Variants in OSGEPL1 observed in about 807,000 individuals in gnomAD.
OSGEPL1 encodes O-sialoglycoprotein endopeptidase like 1.
A neutral mutation model predicts 37.2 loss-of-function variants in OSGEPL1; 26 were observed. The observed-to-expected ratio is 0.70, with a 90% CI of 0.51 to 0.97. The LOEUF is 0.97. OSGEPL1 is among the 50% of genes least tolerant of loss of function. The pLI, the probability that OSGEPL1 is intolerant of heterozygous loss-of-function variation, is 0.00. For synonymous variants in OSGEPL1, 140 were observed against 159.9 expected (o/e 0.88, Z 0.94); for missense variants, 404 against 487.0 (o/e 0.83, Z 1.60).
rs1316320466 is a variant in OSGEPL1, at chr2:189,755,280, G to C, written c.502C>G (p.Leu168Val). ...AGACAGTGACCTCCAGAAATCAAAA[G>C]AACTAAAAAAGGAAATTCTACTTTA... is the stretch of plus-strand genomic sequence containing the variant. ...TNKVEFPFLV[L>V]LISGGHCLLA... The change falls in exon 3 of 9, where the codon CTT (leucine) becomes GTT (valine). Residue 168 changes from leucine to valine, a missense_variant. Coordinates refer to ENST00000264151, the MANE Select transcript of OSGEPL1 (RefSeq NM_022353.3). The C allele has an allele frequency of 9.3e-6, 15 of 1,613,026 alleles. No homozygotes were observed. The South Asian group carries it at 1.6e-4, about 18-fold the overall frequency.
chr2:189,763,136 C>T, upstream of OSGEPL1: 1 of 984,798 alleles, frequency 1.0e-6, no homozygotes, highest in African/African-American at 1.7e-5. Flanking sequence ...AGGGAACTAT[C>T]ATCAAATCTA....
intron 3 of OSGEPL1, 62 bp from the exon 4 acceptor site, chr2:189,754,407 A>G: frequency 1.4e-6 from 2 of 1,424,268 alleles, no homozygotes; most frequent in South Asian, 2.7e-5. Context: ...AAAAGATGCA[A>G]AGGAAATAAA....
At chr2:189,752,260 A>C (rs919705737) in intron 7 of OSGEPL1, among the ~76,000 whole-genome samples, 2 of 152,202 alleles carry the variant, frequency 1.3e-5, no homozygotes, top group East Asian at 1.9e-4. Flanking sequence ...CCTGTGTAAG[A>C]GCATAATCAC....
intron 2 of OSGEPL1, among the ~76,000 whole-genome samples, chr2:189,760,064 C>G (rs151052089): frequency 1.3e-5 from 2 of 152,004 alleles, no homozygotes; most frequent in African/African-American, 4.8e-5. Context: ...TCAGAGAGCA[C>G]GGGGTTGGGG....
rs5837164 is a variant in OSGEPL1, at chr2:189,747,338, CAAAAAAAA to C, written c.*29-178_*29-171del. The C allele has an allele frequency of 4.0e-5, 3 of 75,744 alleles. 1 individual carries two copies. The highest frequency in any genetic ancestry group is 1.6e-4 in the African/African-American group (3 of 18,490). 4.7% of individuals were successfully genotyped at this position (75,744 alleles called of 1,614,324 possible). ...GAGGTCAGAGAGTGAGACCCTGTCT[CAAAAAAAA>C]AAAAAAAAAAAAAGTCTGAGAGTCA... On this transcript the variant is annotated intron_variant, in intron 8 of 8. Transcript: ENST00000264151.
intron 2 of OSGEPL1, among the ~76,000 whole-genome samples, chr2:189,759,355 TCTC>T (rs1265004564): frequency 6.6e-6 from 1 of 152,060 alleles, no homozygotes; most frequent in African/African-American, 2.4e-5. Flanking sequence ...TTCACGCCAT[TCTC>T]CTGCCTCAGC....
At chr2:189,762,570 A>G (rs1004555617) in intron 1 of OSGEPL1, 115 bp downstream of exon 1, 2 of 984,430 alleles carry the variant, frequency 2.0e-6, no homozygotes, top group Non-Finnish European at 2.4e-6. Context: ...AACCCACGTG[A>G]CTTGGGTAGC....
chr2:189,752,888 G>A lies in OSGEPL1; in HGVS notation c.1055C>T (p.Pro352Leu). The change falls in exon 6 of 9, where the codon CCT becomes CTT. Residue 352 changes from proline to leucine, a missense_variant. Coordinates refer to ENST00000264151, the MANE Select transcript of OSGEPL1 (RefSeq NM_022353.3). ...NATQCTLLCP[P>L]PRLCTDNGIM... ...GCCATTATCAGTGCATAGTCTGGGA[G>A]GAGGACACAACAAAGTGCACTGTGT... The A allele has an allele frequency of 6.2e-7, 1 of 1,613,916 alleles. No homozygotes were observed. Among genetic ancestry groups the A allele is most frequent in the Non-Finnish European group, 8.5e-7 (1 of 1,179,850 alleles).
intron 2 of OSGEPL1, among the ~76,000 whole-genome samples, chr2:189,760,587 T>C (rs1431688570): frequency 6.6e-6 from 1 of 152,152 alleles, no homozygotes; most frequent in East Asian, 1.9e-4. Flanking sequence ...GGTCAGGAGA[T>C]TGAGACCATC....
In OSGEPL1 at chr2:189,753,993, G is replaced by C. The variant is rs1280068421; in HGVS notation, c.886C>G (p.His296Asp). The C allele has an allele frequency of 1.2e-5, 20 of 1,613,630 alleles. No individual in the cohort carries two copies. In the East Asian group the frequency reaches 4.5e-4, roughly 36 times the overall value. The change falls in exon 5 of 9, where the codon CAT becomes GAT. Residue 296 changes from histidine to aspartate, a missense_variant. By Grantham distance (81) the His-to-Asp change is moderately conservative. Transcript: ENST00000264151. Reference sequence around the variant, plus strand: ...GCCCGATGTGTTCTTTTCACAAGATGACATGCCATTGTGTGCTGTACTGTG... The same window carrying C: ...GCCCGATGTGTTCTTTTCACAAGATCACATGCCATTGTGTGCTGTACTGTG... ...AATVQHTMAC[H>D]LVKRTHRAIL...
At chr2:189,758,110 T>C (rs1211430451) in intron 2 of OSGEPL1, among the ~76,000 whole-genome samples, 3 of 151,558 alleles carry the variant, frequency 2.0e-5, no homozygotes, top group Non-Finnish European at 2.9e-5. Context: ...GGGCCGGGAG[T>C]GGTGGTTCAC....
At chr2:189,748,942 C>T (rs2044613469) in intron 8 of OSGEPL1, among the ~76,000 whole-genome samples, 1 of 152,062 alleles carries the variant, frequency 6.6e-6, no homozygotes, top group Non-Finnish European at 1.5e-5. Context: ...CTATAAATCT[C>T]CCCTATAAAG....
chr2:189,754,269 GCCAAA>G lies in OSGEPL1; in HGVS notation c.681_685del (p.Leu228GlnfsTer5). On this transcript the variant is annotated frameshift_variant, in exon 4 of 9. Coordinates refer to ENST00000264151, the MANE Select transcript of OSGEPL1 (RefSeq NM_022353.3). LOFTEE classifies it high-confidence loss of function. Reference sequence around the variant, plus strand: ...AAAATGAAATCTATTTCCTTGTTTGGCCAAATGTTCTATGGCTTTCCCACCACTCA... The same window carrying G: ...AAAATGAAATCTATTTCCTTGTTTGGTGTTCTATGGCTTTCCCACCACTCA... 6.2e-7 allele frequency: 1 copy of G among 1,613,678 alleles called. No homozygotes were observed. Among genetic ancestry groups the G allele is most frequent in the Non-Finnish European group, 8.5e-7 (1 of 1,179,770 alleles).
chr2:189,757,558 G>A (rs147507143), intron 2 of OSGEPL1, among the ~76,000 whole-genome samples: 2 of 152,304 alleles, frequency 1.3e-5, no homozygotes, highest in East Asian at 3.9e-4. Context: ...TGAGTTAGTG[G>A]TCATTATTAT....
At position 189,762,744 on chromosome 2, in the gene OSGEPL1, T is replaced by C. The variant is rs926399861; in HGVS notation, c.-80A>G. The stretch of plus-strand genomic sequence containing the variant: ...CCTTTCCCTACTAAAGACTGTCGAC[T>C]GCCCTTATCGCTGCAGGAGAAAGCC... On this transcript the variant is annotated 5_prime_UTR_variant, in exon 1 of 9. Transcript: ENST00000264151. 17 of 985,394 alleles carry C rather than the reference T, an allele frequency of 1.7e-5. No homozygotes were observed. The South Asian group carries it at 5.6e-4, about 33-fold the overall frequency. 61.0% of individuals were successfully genotyped at this position (985,394 alleles called of 1,614,324 possible).
intron 8 of OSGEPL1, among the ~76,000 whole-genome samples, chr2:189,749,597 A>G (rs185115004): frequency 6.6e-6 from 1 of 152,180 alleles, no homozygotes; most frequent in Admixed American, 6.5e-5. Flanking sequence ...ATTATATACA[A>G]TTTCTCAAAT....
At chr2:189,748,043 C>A (rs1273983705) in intron 8 of OSGEPL1, among the ~76,000 whole-genome samples, 1 of 152,136 alleles carries the variant, frequency 6.6e-6, no homozygotes, top group Non-Finnish European at 1.5e-5. Flanking sequence ...TGCCTCCATA[C>A]AGTCTGAGGG....
chr2:189,755,677 A>G (rs1367990683), intron 2 of OSGEPL1, 117 bp from the exon 3 acceptor site: 8 of 1,105,200 alleles, frequency 7.2e-6, no homozygotes, highest in Non-Finnish European at 1.0e-5. Flanking sequence ...TAAGTCAAGT[A>G]TTTTCTAATT....
In OSGEPL1 at chr2:189,754,074, T is replaced by C; in HGVS notation, c.815-10A>G. The C allele has an allele frequency of 6.2e-7, 1 of 1,612,272 alleles. No homozygotes were observed. The highest frequency in any genetic ancestry group is 8.5e-7 in the Non-Finnish European group (1 of 1,178,978). On this transcript the variant is annotated splice_polypyrimidine_tract_variant and intron_variant, in intron 4 of 8. Transcript: ENST00000264151. ...TGCCCCTTCTCAATACCTGCAGAAATGAGCAGCTATTTTTAGGCACAATCC... is the reference window on the plus strand; with the variant it reads ...TGCCCCTTCTCAATACCTGCAGAAACGAGCAGCTATTTTTAGGCACAATCC...
Sources: allele counts gnomAD v4.1 joint callset (sites outside exome capture counted in the v4.1 genomes callset), GRCh38; gene constraint gnomAD v4.1.1; transcripts MANE v1.5; gene names NCBI Gene and HGNC (gene_info 2026-07-23, HGNC 2026-07-21).